Variants in ETV1 observed in about 807,000 individuals in gnomAD.
ETV1 encodes ETS variant transcription factor 1, also known as ETS translocation variant 1.
A neutral mutation model predicts 62.3 loss-of-function variants in ETV1; 27 were observed. The ratio of observed to expected loss-of-function variants is 0.43; its 90% CI spans 0.32 to 0.60. ETV1 has a LOEUF of 0.60. Ranked by LOEUF, ETV1 falls within the 20% of genes least tolerant of loss-of-function variation. The pLI is 0.06. For missense variants in ETV1, 605 were observed against 605.8 expected, an observed-to-expected ratio of 1.00 and a Z score of 0.01; for synonymous variants, 222 against 199.6, an observed-to-expected ratio of 1.11 and a Z score of -0.94.
At chr7:13,968,294 G>A (rs1780515549) in intron 6 of ETV1, among the ~76,000 whole-genome samples, 1 of 151,800 alleles carries the variant, frequency 6.6e-6, no homozygotes, top group African/African-American at 2.4e-5. Context: ...TAAAGACTTG[G>A]GTTAATATAT....
intron 12 of ETV1, among the ~76,000 whole-genome samples, chr7:13,902,093 C>T (rs1256289499): frequency 6.6e-6 from 1 of 152,170 alleles, no homozygotes; most frequent in African/African-American, 2.4e-5. Flanking sequence ...TGAGAAGAAA[C>T]TGCAGCTGCC....
At chr7:13,978,006 G>C (rs1781620752) in intron 5 of ETV1, among the ~76,000 whole-genome samples, 1 of 152,056 alleles carries the variant, frequency 6.6e-6, no homozygotes. Flanking sequence ...TTTTGCCAAA[G>C]TATGCTACAA....
At position 13,972,184 on chromosome 7, in the gene ETV1, A is replaced by G. The variant is rs549876807; in HGVS notation, c.235+5243T>C. The stretch of plus-strand genomic sequence containing the variant: ...GCTGGGTATGATGGCTCATGCCTGC[A>G]ATCCTAGCACTTCAGGAGGCCGACT... On this transcript the variant is annotated intron_variant, in intron 6 of 13. Transcript: ENST00000430479. Among the ~76,000 whole-genome samples the G allele has an allele frequency of 3.5e-4, 53 of 152,312 alleles. 1 individual carries two copies. Among genetic ancestry groups the G allele is most frequent in the Non-Finnish European group, 6.5e-4 (44 of 68,022 alleles).
At chr7:13,982,218 T>C (rs185531100) in intron 5 of ETV1, among the ~76,000 whole-genome samples, 78 of 152,174 alleles carry the variant, frequency 5.1e-4, no homozygotes, top group Admixed American at 9.8e-4. Context: ...CTAGCCGTTG[T>C]TTCTAGCCAA....
chr7:13,896,135 G>A, intron 13 of ETV1, 48 bp from the exon 14 acceptor site: 1 of 1,512,864 alleles, frequency 6.6e-7, no homozygotes, highest in Non-Finnish European at 9.1e-7. Flanking sequence ...ATCGCCAGAT[G>A]GGGAAGGACA....
At chr7:13,923,779 T>G (rs2128439801) in intron 9 of ETV1, among the ~76,000 whole-genome samples, 1 of 152,232 alleles carries the variant, frequency 6.6e-6, no homozygotes, top group African/African-American at 2.4e-5. Context: ...ACACCTGTTA[T>G]CCCAGCATTC....
At position 13,939,204 on chromosome 7, in the gene ETV1, T is replaced by C; in HGVS notation, c.278A>G (p.His93Arg). 6.2e-7 allele frequency: 1 copy of C among 1,610,896 alleles called. No individual in the cohort carries two copies. Among genetic ancestry groups the C allele is most frequent in the African/African-American group, 1.3e-5 (1 of 74,908 alleles). The change falls in exon 7 of 14, where the codon CAC (histidine) becomes CGC (arginine). Residue 93 changes from histidine to arginine, a missense_variant. By Grantham distance (29) the His-to-Arg change is conservative. Transcript: ENST00000430479. The part of the protein sequence containing the change: ...GLPLKIKKEP[H>R]SPCSEISSAC... ...AGAGCTGATTTCTGAACATGGACTG[T>C]GGGGTTCTTTCTTGATTTTCAGTGG...
At chr7:13,958,215 T>A (rs1789720393) in intron 6 of ETV1, among the ~76,000 whole-genome samples, 1 of 152,206 alleles carries the variant, frequency 6.6e-6, no homozygotes, top group Admixed American at 6.5e-5. Context: ...TACCCTTTGC[T>A]TTTTTCTTTC....
intron 9 of ETV1, among the ~76,000 whole-genome samples, chr7:13,927,275 CCT>C (rs894166614): frequency 6.6e-6 from 1 of 152,006 alleles, no homozygotes; most frequent in African/African-American, 2.4e-5. Flanking sequence ...ATGATGAACC[CCT>C]GTCTCTAATT....
chr7:13,896,161 A>C, intron 13 of ETV1, 74 bp from the exon 14 acceptor site: 1 of 1,300,274 alleles, frequency 7.7e-7, no homozygotes, highest in Non-Finnish European at 1.1e-6. Flanking sequence ...GAAAAAGCCA[A>C]AAACGTGGTT....
chr7:13,974,192 T>G (rs576907586), intron 6 of ETV1, among the ~76,000 whole-genome samples: 5 of 152,088 alleles, frequency 3.3e-5, no homozygotes, highest in Non-Finnish European at 7.4e-5. Context: ...GAGTCTGAAA[T>G]AGGAGGTTCA....
intron 3 of ETV1, 80 bp downstream of exon 3, chr7:13,988,928 C>T (rs941517787): frequency 1.4e-6 from 2 of 1,434,092 alleles, no homozygotes; most frequent in African/African-American, 1.4e-5. Context: ...CCCCGTGCCC[C>T]CTCCCTTCTC....
At chr7:13,918,409 T>C (rs1784435286) in intron 9 of ETV1, among the ~76,000 whole-genome samples, 1 of 152,190 alleles carries the variant, frequency 6.6e-6, no homozygotes, top group East Asian at 1.9e-4. Flanking sequence ...TAAATCATGC[T>C]GCTATAAAGA....
intron 6 of ETV1, among the ~76,000 whole-genome samples, chr7:13,975,504 A>G (rs1781341751): frequency 1.4e-5 from 2 of 148,092 alleles, no homozygotes; most frequent in Admixed American, 1.4e-4. Flanking sequence ...TGGAGCTTGC[A>G]GTGAGCCAAG....
intron 7 of ETV1, among the ~76,000 whole-genome samples, chr7:13,938,129 G>A (rs948425630): frequency 6.6e-6 from 1 of 152,120 alleles, no homozygotes; most frequent in Non-Finnish European, 1.5e-5. Flanking sequence ...ATTTTCAGTA[G>A]AGACGAGGTT....
At chr7:13,961,783 G>A (rs556692349) in intron 6 of ETV1, among the ~76,000 whole-genome samples, 1 of 152,218 alleles carries the variant, frequency 6.6e-6, no homozygotes, top group Admixed American at 6.5e-5. Context: ...TGTTTCCAGT[G>A]CAACACTTTT....
chr7:13,960,270 A>C (rs1178756487), intron 6 of ETV1, among the ~76,000 whole-genome samples: 1 of 152,166 alleles, frequency 6.6e-6, no homozygotes, highest in Non-Finnish European at 1.5e-5. Context: ...AATTCCTTTA[A>C]TTATATTATC....
intron 9 of ETV1, among the ~76,000 whole-genome samples, chr7:13,915,180 T>C (rs552369745): frequency 3.5e-4 from 54 of 152,348 alleles, no homozygotes; most frequent in African/African-American, 1.3e-3. Flanking sequence ...GGATTGATTA[T>C]ACACTTGACT....
At position 13,938,990 on chromosome 7, in the gene ETV1, T is replaced by C. The variant is rs1787145493; in HGVS notation, c.365+127A>G. 1.2e-5 allele frequency: 10 copies of C among 861,030 alleles called. No homozygotes were observed. In the Admixed American group the frequency reaches 2.6e-4, roughly 22 times the overall value. The allele number at this position is 861,030 out of a possible 1,614,324, so 53.3% of individuals were successfully genotyped here. A position where few individuals can be genotyped will look rare whatever the true frequency, so the allele number is the denominator to read the frequency against. Reference sequence around the variant, plus strand: ...GTTCTTTAGAGTTCTGCTAAATGCATTACCTAATTAGCTTGTTACATATTA... The same window carrying C: ...GTTCTTTAGAGTTCTGCTAAATGCACTACCTAATTAGCTTGTTACATATTA... On this transcript the variant is annotated intron_variant, in intron 7 of 13. Coordinates refer to ENST00000430479, the MANE Select transcript of ETV1 (RefSeq NM_004956.5).
Sources: gnomAD v4.1 joint callset for allele counts (sites outside exome capture counted in the v4.1 genomes callset) on GRCh38, gnomAD v4.1.1 for gene constraint, MANE v1.5 for transcripts, NCBI Gene and HGNC (gene_info 2026-07-23, HGNC 2026-07-21) for gene names.